ADAM32: variants seen among roughly 807,000 people sequenced by gnomAD.
ADAM32 encodes the protein ADAM metallopeptidase domain 32, also known as disintegrin and metalloproteinase domain-containing protein 32.
ADAM32 carries 89 observed loss-of-function variants against 114.9 expected under a neutral mutation model. The ratio of observed to expected loss-of-function variants is 0.77; its 90% CI spans 0.65 to 0.92. ADAM32 has a LOEUF of 0.92. Among genes scored for constraint, ADAM32 ranks in the 40% least tolerant of loss-of-function variants. The probability of loss-of-function intolerance (pLI) is 0.00; values close to 1 mark genes in which losing one functional copy is unlikely to be tolerated. For synonymous variants in ADAM32, 285 were observed against 307.5 expected (o/e 0.93, Z 0.77); for missense variants, 870 against 932.8 (o/e 0.93, Z 0.88).
intron 18 of ADAM32, among the ~76,000 whole-genome samples, chr8:39,255,124 G>C (rs1811566127): frequency 6.6e-6 from 1 of 151,900 alleles, no homozygotes; most frequent in Non-Finnish European, 1.5e-5. Context: ...CTCACTGATT[G>C]ATGGGCATTT....
intron 19 of ADAM32, among the ~76,000 whole-genome samples, chr8:39,265,071 C>T (rs1184823602): frequency 2.0e-5 from 3 of 152,156 alleles, no homozygotes; most frequent in Admixed American, 2.0e-4. Flanking sequence ...ATAACACTTT[C>T]AGGGGGTGTT....
intron 14 of ADAM32, among the ~76,000 whole-genome samples, chr8:39,228,388 G>A (rs1267728874): frequency 6.6e-6 from 1 of 152,194 alleles, no homozygotes; most frequent in Non-Finnish European, 1.5e-5. Context: ...AATCAGGGAG[G>A]CAATGGAGAA....
At chr8:39,144,179 G>A (rs907583871) in intron 3 of ADAM32, among the ~76,000 whole-genome samples, 8 of 152,138 alleles carry the variant, frequency 5.3e-5, no homozygotes, top group African/African-American at 1.7e-4. Context: ...TGAGCTTCCC[G>A]GGTGAGACAA....
intron 14 of ADAM32, among the ~76,000 whole-genome samples, chr8:39,224,671 T>C (rs1330601634): frequency 6.6e-6 from 1 of 152,172 alleles, no homozygotes; most frequent in Non-Finnish European, 1.5e-5. Flanking sequence ...ATATATGATC[T>C]GCAAATACTT....
chr8:39,172,736 C>G (rs762433709), intron 10 of ADAM32, among the ~76,000 whole-genome samples: 14 of 152,174 alleles, frequency 9.2e-5, no homozygotes, highest in Non-Finnish European at 1.9e-4. Context: ...TTCATCCAGT[C>G]TATCATTGAT....
At position 39,222,468 on chromosome 8, in the gene ADAM32, A is replaced by T. The variant is rs1253129475; in HGVS notation, c.1327-572A>T. Among the ~76,000 whole-genome samples the T allele has an allele frequency of 2.0e-5, 3 of 152,050 alleles. No homozygotes were observed. The East Asian group carries it at 5.8e-4, about 29-fold the overall frequency. ...TTATGAGATAGATGTTTTATTTGAG[A>T]TTCTTTTTGTAAATTTCCACAATTC... On this transcript the variant is annotated intron_variant, in intron 13 of 24. Transcript: ENST00000379907.
At chr8:39,271,906 G>T in intron 20 of ADAM32, among the ~76,000 whole-genome samples, 1 of 151,920 alleles carries the variant, frequency 6.6e-6, no homozygotes, top group South Asian at 2.1e-4. Flanking sequence ...GGCTGTGTGT[G>T]TTGGGTCATG....
At chr8:39,142,870 A>C (rs1803256085) in intron 3 of ADAM32, among the ~76,000 whole-genome samples, 1 of 152,172 alleles carries the variant, frequency 6.6e-6, no homozygotes, top group Non-Finnish European at 1.5e-5. Flanking sequence ...ATTTTCACAT[A>C]GTCCCTATAT....
At chr8:39,179,976 C>T (rs1270419542) in intron 10 of ADAM32, among the ~76,000 whole-genome samples, 1 of 152,262 alleles carries the variant, frequency 6.6e-6, no homozygotes, top group Non-Finnish European at 1.5e-5. Flanking sequence ...CCCTCGCTTG[C>T]TCTCGGTGCC....
At chr8:39,131,243 A>G (rs1802437297) in intron 2 of ADAM32, among the ~76,000 whole-genome samples, 1 of 152,128 alleles carries the variant, frequency 6.6e-6, no homozygotes, top group South Asian at 2.1e-4. Context: ...GGCGTGAGCC[A>G]CCGTGCCTGG....
chr8:39,130,109 C>T (rs1210705446), intron 2 of ADAM32: 1 of 180,928 alleles, frequency 5.5e-6, no homozygotes, highest in Non-Finnish European at 1.2e-5. Flanking sequence ...TGCCTGCTAC[C>T]ATGCTCACCT....
At chr8:39,280,288 T>A (rs1204341324) in intron 22 of ADAM32, among the ~76,000 whole-genome samples, 2 of 152,282 alleles carry the variant, frequency 1.3e-5, no homozygotes, top group Non-Finnish European at 1.5e-5. Flanking sequence ...TATTTTTTTT[T>A]AAATGGTAGA....
intron 12 of ADAM32, among the ~76,000 whole-genome samples, chr8:39,220,226 A>G (rs1808859983): frequency 6.6e-6 from 1 of 152,136 alleles, no homozygotes; most frequent in Non-Finnish European, 1.5e-5. Flanking sequence ...TTTTTGGTCC[A>G]AAGTTTGTGT....
chr8:39,203,732 G>A (rs1449101331), intron 11 of ADAM32, among the ~76,000 whole-genome samples: 1 of 152,142 alleles, frequency 6.6e-6, no homozygotes, highest in Non-Finnish European at 1.5e-5. Context: ...AGCATTGATG[G>A]TCTTTACAAT....
At chr8:39,242,959 C>T (rs1357498693) in intron 16 of ADAM32, among the ~76,000 whole-genome samples, 1 of 152,044 alleles carries the variant, frequency 6.6e-6, no homozygotes, top group Non-Finnish European at 1.5e-5. Flanking sequence ...ATATTACAAC[C>T]TATAGCATAG....
intron 11 of ADAM32, among the ~76,000 whole-genome samples, chr8:39,203,603 T>C (rs1024226968): frequency 3.9e-5 from 6 of 152,220 alleles, no homozygotes; most frequent in African/African-American, 1.4e-4. Flanking sequence ...AGTCTGTGTC[T>C]TTTAATTGGA....
At chr8:39,180,192 C>T (rs144059407) in intron 10 of ADAM32, among the ~76,000 whole-genome samples, 4,427 of 152,302 alleles carry the variant, frequency 0.029, 86 homozygotes, top group Non-Finnish European at 0.044. Context: ...GTGGGCTTGG[C>T]GGGCCCCGCA....
chr8:39,142,628 C>G (rs889366804), intron 3 of ADAM32, among the ~76,000 whole-genome samples: 1 of 152,118 alleles, frequency 6.6e-6, no homozygotes, highest in Non-Finnish European at 1.5e-5. Flanking sequence ...CTCTGGCTGC[C>G]CTTAACATTT....
At chr8:39,246,230 T>G in intron 17 of ADAM32, 64 bp downstream of exon 17, 1 of 1,488,432 alleles carries the variant, frequency 6.7e-7, no homozygotes, top group Non-Finnish European at 9.3e-7. Flanking sequence ...ACTCATTAAT[T>G]TACTGACATT....
Sources: allele counts gnomAD v4.1 joint callset (sites outside exome capture counted in the v4.1 genomes callset), GRCh38; gene constraint gnomAD v4.1.1; transcripts MANE v1.5; gene names NCBI Gene and HGNC (gene_info 2026-07-23, HGNC 2026-07-21).